MOV10L1: variants seen among roughly 807,000 people sequenced by gnomAD.
MOV10L1 encodes the protein Mov10 like RNA helicase 1, also known as RNA helicase Mov10l1.
MOV10L1 carries 110 observed loss-of-function variants against 143.8 expected under a neutral mutation model. That is an observed-to-expected ratio of 0.76 (90% CI 0.66 to 0.90). The LOEUF (loss-of-function observed/expected upper bound fraction) is 0.90. Ranked by LOEUF, MOV10L1 falls within the 40% of genes least tolerant of loss-of-function variation. The probability of loss-of-function intolerance (pLI) is 0.00; values close to 1 mark genes in which losing one functional copy is unlikely to be tolerated. For synonymous variants in MOV10L1, 593 were observed against 581.1 expected, an observed-to-expected ratio of 1.02 and a Z score of -0.29; for missense variants, 1,406 against 1,526.8, an observed-to-expected ratio of 0.92 and a Z score of 1.32.
At chr22:50,110,848 T>G (rs34428657) in intron 5 of MOV10L1, among the ~76,000 whole-genome samples, 34,105 of 151,530 alleles carry the variant, frequency 0.23, 4,189 homozygotes, top group Admixed American at 0.35. Context: ...GGAGAATTGC[T>G]TGAACCCGGG....
rs766651645 is a variant in MOV10L1 at position 50,117,352 on chromosome 22, G to T, written c.1454+1G>T. On this transcript the variant is annotated splice_donor_variant, in intron 9 of 26. Coordinates refer to ENST00000262794, the MANE Select transcript of MOV10L1 (RefSeq NM_018995.3). LOFTEE classifies it high-confidence loss of function. Reference sequence around the variant, plus strand: ...CAGTTGTTGTGACCGCACAGAAAAGGTACCATAACTGAAATGAGTGTGGCT... The same window carrying T: ...CAGTTGTTGTGACCGCACAGAAAAGTTACCATAACTGAAATGAGTGTGGCT... The T allele has an allele frequency of 1.9e-6, 3 of 1,612,262 alleles. No homozygotes were observed. The Admixed American group carries it at 5.0e-5, about 27-fold the overall frequency.
At chr22:50,149,798 TCA>T (rs1479516725) in intron 20 of MOV10L1, 84 bp downstream of exon 20, 48 of 1,295,508 alleles carry the variant, frequency 3.7e-5, no homozygotes, top group Non-Finnish European at 5.0e-5. Context: ...CCGGGAACAG[TCA>T]CAGCTGTACA....
intron 16 of MOV10L1, 32 bp downstream of exon 16, chr22:50,142,221 A>G: frequency 1.3e-6 from 2 of 1,563,784 alleles, no homozygotes; most frequent in South Asian, 2.3e-5. Context: ...GGAGAAGAGC[A>G]ACTCTGAGAC....
Position 50,159,878 on chromosome 22 carries a change from T to G in MOV10L1, c.3324+93T>G. On this transcript the variant is annotated intron_variant, in intron 24 of 26. Transcript: ENST00000262794. The surrounding 1 kb of genome is among the most constrained non-coding windows in gnomAD (Gnocchi z 4.1). ...TCAGATCTAAAGGGGCAGAGGCTGATTCCCAGCCCAGAGAAGCAGCTGCAG... is the reference window on the plus strand; with the variant it reads ...TCAGATCTAAAGGGGCAGAGGCTGAGTCCCAGCCCAGAGAAGCAGCTGCAG... The G allele has an allele frequency of 1.2e-6, 1 of 800,798 alleles. No homozygotes were observed. Among genetic ancestry groups the G allele is most frequent in the Non-Finnish European group, 2.1e-6 (1 of 484,646 alleles). The allele number at this position is 800,798 out of a possible 1,614,324, so 49.6% of individuals were successfully genotyped here. A position where few individuals can be genotyped will look rare whatever the true frequency, so the allele number is the denominator to read the frequency against.
At chr22:50,099,333 C>G in intron 2 of MOV10L1, 110 bp from the exon 3 acceptor site, 1 of 1,328,060 alleles carries the variant, frequency 7.5e-7, no homozygotes, top group Non-Finnish European at 1.0e-6. Context: ...CTGCCAGGGC[C>G]TTGATCTTGG....
chr22:50,101,898 A>G (rs2061754096), intron 3 of MOV10L1, among the ~76,000 whole-genome samples: 2 of 152,164 alleles, frequency 1.3e-5, no homozygotes, highest in African/African-American at 2.4e-5. Context: ...TGCCAGAGAA[A>G]CGCTCAGTTC....
At chr22:50,093,998 C>T (rs1215302912) in intron 2 of MOV10L1, 1 of 152,176 alleles carries the variant, frequency 6.6e-6, no homozygotes, top group Non-Finnish European at 1.5e-5. Context: ...GGTCCTGATG[C>T]TTGTAAGGGG....
intron 19 of MOV10L1, among the ~76,000 whole-genome samples, chr22:50,148,125 G>T (rs1364804229): frequency 2.0e-5 from 3 of 152,268 alleles, no homozygotes; most frequent in Non-Finnish European, 4.4e-5. Context: ...GTAAACGTGG[G>T]CTCGGCAGTG....
At chr22:50,111,486 C>CTTTTTTTTTTTTT (rs529438045) in intron 5 of MOV10L1, among the ~76,000 whole-genome samples, 2 of 59,148 alleles carry the variant, frequency 3.4e-5, no homozygotes, top group Non-Finnish European at 6.4e-5. Flanking sequence ...TCTGTCTTTG[C>CTTTTTTTTTTTTT]TTTTTTTTTT....
intron 5 of MOV10L1, among the ~76,000 whole-genome samples, chr22:50,111,414 C>G (rs2062017649): frequency 6.8e-6 from 1 of 147,764 alleles, no homozygotes; most frequent in Non-Finnish European, 1.5e-5. Flanking sequence ...GGAAAGGCAG[C>G]TTCTTTCATG....
intron 6 of MOV10L1, among the ~76,000 whole-genome samples, chr22:50,114,008 T>G (rs993389010): frequency 7.1e-6 from 1 of 140,376 alleles, no homozygotes; most frequent in African/African-American, 2.7e-5. Context: ...AAGCTCCGCC[T>G]CCCGGGTTCA....
rs746520252 is a variant in MOV10L1, at chr22:50,149,729, C to T, written c.2727+15C>T. ...TCAGTGGCCAGGTAAGTCCCGACTA[C>T]TGTGTGTGCTGCTTCCTCCTCACCC... On this transcript the variant is annotated intron_variant, in intron 20 of 26. Transcript: ENST00000262794. 3.1e-6 allele frequency: 5 copies of T among 1,604,394 alleles called. No individual in the cohort carries two copies. The Admixed American group carries it at 6.7e-5, about 22-fold the overall frequency.
Position 50,161,653 on chromosome 22 carries a change from C to T in MOV10L1, c.*204C>T, listed in dbSNP as rs994634018. ...GTTCCTGCCACAGGGCAGTCACTGC[C>T]GCCTACCCTGAAATAAACCCTCGAG... On this transcript the variant is annotated 3_prime_UTR_variant, in exon 27 of 27. Transcript: ENST00000262794. 17 of 532,692 alleles carry T rather than the reference C, an allele frequency of 3.2e-5. No homozygotes were observed. Among genetic ancestry groups the T allele is most frequent in the Non-Finnish European group, 4.3e-5 (13 of 300,868 alleles). 33.0% of individuals were successfully genotyped at this position (532,692 alleles called of 1,614,324 possible).
At chr22:50,120,919 G>A (rs775819352) in intron 10 of MOV10L1, among the ~76,000 whole-genome samples, 22 of 152,168 alleles carry the variant, frequency 1.4e-4, no homozygotes, top group Non-Finnish European at 2.1e-4. Context: ...GGCCTCTCTC[G>A]CTAGACTAGG....
chr22:50,113,887 AT>A, intron 6 of MOV10L1, 99 bp downstream of exon 6: 2 of 743,328 alleles, frequency 2.7e-6, no homozygotes, highest in Non-Finnish European at 3.6e-6. Context: ...TTGGTCATTT[AT>A]TTTTTTCTTT....
intron 1 of MOV10L1, chr22:50,090,475 C>T (rs1049873216): frequency 6.2e-7 from 1 of 1,610,032 alleles, no homozygotes; most frequent in East Asian, 2.2e-5. Flanking sequence ...GTCGTCTCTC[C>T]ATGTCGTTCC....
At chr22:50,125,323 T>C in intron 10 of MOV10L1, 69 bp from the exon 11 acceptor site, 4 of 1,494,766 alleles carry the variant, frequency 2.7e-6, no homozygotes, top group East Asian at 2.3e-5. Context: ...ACTTTCCTGC[T>C]CCGGAGCTGC....
At chr22:50,106,546 A>G (rs1006609145) in intron 3 of MOV10L1, among the ~76,000 whole-genome samples, 1 of 151,862 alleles carries the variant, frequency 6.6e-6, no homozygotes, top group African/African-American at 2.4e-5. Context: ...ATTAATAGCT[A>G]TTGCTTCACT....
At chr22:50,090,493 C>A in intron 1 of MOV10L1, 1 of 1,610,332 alleles carries the variant, frequency 6.2e-7, no homozygotes, top group Non-Finnish European at 8.5e-7. Flanking sequence ...TCCTCCCTGT[C>A]CGCAGCGTCA....
Sources: gnomAD v4.1 joint callset for allele counts (sites outside exome capture counted in the v4.1 genomes callset) on GRCh38, gnomAD v4.1.1 for gene constraint, Gnocchi (gnomAD v3.1) non-coding constraint, MANE v1.5 for transcripts, NCBI Gene and HGNC (gene_info 2026-07-23, HGNC 2026-07-21) for gene names.